CHRM3: variants seen among roughly 807,000 people sequenced by gnomAD.
The protein encoded by CHRM3 is cholinergic receptor muscarinic 3.
In CHRM3, 11 loss-of-function variants were observed where a neutral mutation model predicts 41.8. The observed-to-expected ratio is 0.26, with a 90% confidence interval of 0.17 to 0.44. CHRM3 has a LOEUF of 0.44. Among genes scored for constraint, CHRM3 ranks in the 20% least tolerant of loss-of-function variants. The pLI is 1.00. For synonymous variants in CHRM3, 297 were observed against 301.4 expected, an observed-to-expected ratio of 0.99 and a Z score of 0.15; for missense variants, 571 against 745.4, an observed-to-expected ratio of 0.77 and a Z score of 2.72.
intron 5 of CHRM3, among the ~76,000 whole-genome samples, chr1:239,727,974 T>A (rs764343331): frequency 6.6e-6 from 1 of 152,024 alleles, no homozygotes; most frequent in Admixed American, 6.6e-5. Flanking sequence ...AATAAATACT[T>A]TTCTTAAAGA....
chr1:239,511,661 G>T (rs1668931656), intron 2 of CHRM3, among the ~76,000 whole-genome samples: 1 of 152,138 alleles, frequency 6.6e-6, no homozygotes, highest in South Asian at 2.1e-4. Context: ...AAGGTTTGGG[G>T]ACGTTTTGCC....
chr1:239,907,989 C>T lies in CHRM3; in HGVS notation c.538C>T (p.Arg180Ter). 6.2e-7 allele frequency: 1 copy of T among 1,614,176 alleles called. No homozygotes were observed. Among genetic ancestry groups the T allele is most frequent in the Non-Finnish European group, 8.5e-7 (1 of 1,180,038 alleles). The change falls in exon 7 of 7, where the codon CGA becomes TGA. Residue 180 changes from arginine (R) to a stop codon, truncating the protein, a stop_gained. Transcript: ENST00000676153. LOFTEE classifies it high-confidence loss of function. The surrounding 1 kb of genome is among the most constrained non-coding windows in gnomAD (Gnocchi z 5.4). Reference sequence around the variant, plus strand: ...GAGGCCGCTCACGTACCGAGCCAAACGAACAACAAAGAGAGCCGGTGTGAT... The same window carrying T: ...GAGGCCGCTCACGTACCGAGCCAAATGAACAACAAAGAGAGCCGGTGTGAT... ...ITRPLTYRAK[R>*]TTKRAGVMIG...
chr1:239,502,831 C>T (rs1010781434), intron 2 of CHRM3, among the ~76,000 whole-genome samples: 2 of 152,168 alleles, frequency 1.3e-5, no homozygotes, highest in African/African-American at 4.8e-5. Context: ...TCAATAGTTG[C>T]AGAAAAAGCA....
chr1:239,637,726 G>A (rs1198539873), intron 4 of CHRM3, among the ~76,000 whole-genome samples: 3 of 117,310 alleles, frequency 2.6e-5, no homozygotes, highest in Non-Finnish European at 3.6e-5. Flanking sequence ...TTTTTTTTTG[G>A]GGAATTTGTA....
intron 5 of CHRM3, among the ~76,000 whole-genome samples, chr1:239,775,147 G>T (rs1392886517): frequency 6.6e-6 from 1 of 151,960 alleles, no homozygotes; most frequent in African/African-American, 2.4e-5. Flanking sequence ...AAAAAAAAAA[G>T]TTTGTTTTAC....
intron 2 of CHRM3, among the ~76,000 whole-genome samples, chr1:239,528,107 G>A (rs1337839764): frequency 1.3e-5 from 2 of 152,180 alleles, no homozygotes; most frequent in East Asian, 1.9e-4. Context: ...TTTAGTAAAC[G>A]AAAGGTTGCA....
At chr1:239,837,780 A>G (rs1279554259) in intron 6 of CHRM3, among the ~76,000 whole-genome samples, 3 of 152,214 alleles carry the variant, frequency 2.0e-5, no homozygotes, top group African/African-American at 7.2e-5. Context: ...AGAGTTTGAT[A>G]TTCTCCTATC....
Position 239,614,493 on chromosome 1 carries a change from A to G in CHRM3, c.-312-17731A>G, listed in dbSNP as rs576981589. Among the ~76,000 whole-genome samples the G allele has an allele frequency of 2.7e-4, 41 of 152,340 alleles. 1 individual carries two copies. The highest frequency in any genetic ancestry group is 9.1e-4 in the African/African-American group (38 of 41,574). Reference sequence around the variant, plus strand: ...GATCCAAATGGGCGATGGCACATATAATATGAAATTTTAAATTAGAATCCT... The same window carrying G: ...GATCCAAATGGGCGATGGCACATATGATATGAAATTTTAAATTAGAATCCT... On this transcript the variant is annotated intron_variant, in intron 3 of 6. Transcript: ENST00000676153.
At chr1:239,723,231 A>G (rs1481337005) in intron 5 of CHRM3, among the ~76,000 whole-genome samples, 2 of 152,082 alleles carry the variant, frequency 1.3e-5, no homozygotes, top group South Asian at 2.1e-4. Context: ...ACATGAAACA[A>G]TTCTGTTCAA....
chr1:239,744,446 T>C (rs539378553), intron 5 of CHRM3, among the ~76,000 whole-genome samples: 1 of 152,218 alleles, frequency 6.6e-6, no homozygotes, highest in South Asian at 2.1e-4. Flanking sequence ...TGAGAGGTGA[T>C]GGTTGAGCAA....
chr1:239,492,716 G>C lies in CHRM3; in HGVS notation c.-513G>C, dbSNP rs1667633575. On this transcript the variant is annotated 5_prime_UTR_variant, in exon 2 of 7. Coordinates refer to ENST00000676153, the MANE Select transcript of CHRM3 (RefSeq NM_001375978.1). ...TTTTTTCTCTGTCTGCAGAAAGAAG[G>C]ACTTTGCTGCTTTGGGCCAGGATCT... is the stretch of plus-strand genomic sequence containing the variant. 1 of 152,188 alleles carries C rather than the reference G, an allele frequency of 6.6e-6. No homozygotes were observed. The highest frequency in any genetic ancestry group is 1.5e-5 in the Non-Finnish European group (1 of 68,088). 9.4% of individuals were successfully genotyped at this position (152,188 alleles called of 1,614,324 possible). A position where few individuals can be genotyped will look rare whatever the true frequency, so the allele number is the denominator to read the frequency against.
chr1:239,630,378 T>C (rs1225320132), intron 3 of CHRM3, among the ~76,000 whole-genome samples: 1 of 152,184 alleles, frequency 6.6e-6, no homozygotes, highest in Non-Finnish European at 1.5e-5. Flanking sequence ...ACTGTAAATA[T>C]TTACTGAGCA....
Position 239,914,433 on chromosome 1 carries a change from A to G in CHRM3, c.*5209A>G, listed in dbSNP as rs1478665780. On this transcript the variant is annotated 3_prime_UTR_variant, in exon 7 of 7. Coordinates refer to ENST00000676153, the MANE Select transcript of CHRM3 (RefSeq NM_001375978.1). The stretch of plus-strand genomic sequence containing the variant: ...GTAGTCAGGAGTTATTTGGCTGGGA[A>G]GTGGAAAGTGTTCACAAACATGATG... The G allele has an allele frequency of 6.0e-6, 1 of 167,116 alleles. No individual in the cohort carries two copies. Among genetic ancestry groups the G allele is most frequent in the Non-Finnish European group, 1.5e-5 (1 of 68,124 alleles). 10.4% of individuals were successfully genotyped at this position (167,116 alleles called of 1,614,324 possible). A position where few individuals can be genotyped will look rare whatever the true frequency, so the allele number is the denominator to read the frequency against.
intron 6 of CHRM3, among the ~76,000 whole-genome samples, chr1:239,899,595 A>C (rs1008524011): frequency 6.6e-6 from 1 of 151,920 alleles, no homozygotes; most frequent in Non-Finnish European, 1.5e-5. Flanking sequence ...TAAGTTCAAC[A>C]TGCAATGTAT....
chr1:239,417,482 A>C (rs1344662579), intron 1 of CHRM3, among the ~76,000 whole-genome samples: 1 of 152,096 alleles, frequency 6.6e-6, no homozygotes, highest in South Asian at 2.1e-4. Flanking sequence ...ACAATAAATC[A>C]TAAGTGTGTG....
intron 5 of CHRM3, among the ~76,000 whole-genome samples, chr1:239,822,544 TA>T (rs200709795): frequency 0.018 from 2,718 of 152,294 alleles, 75 homozygotes; most frequent in African/African-American, 0.062. Flanking sequence ...CTACTTCAAA[TA>T]ACTTTTACAA....
chr1:239,633,442 A>T (rs1248085131), intron 4 of CHRM3, among the ~76,000 whole-genome samples: 1 of 152,114 alleles, frequency 6.6e-6, no homozygotes, highest in Non-Finnish European at 1.5e-5. Flanking sequence ...ACAGATAGAG[A>T]TTACGGTTCG....
intron 5 of CHRM3, among the ~76,000 whole-genome samples, chr1:239,821,859 G>A (rs1305145001): frequency 6.6e-6 from 1 of 152,118 alleles, no homozygotes; most frequent in African/African-American, 2.4e-5. Flanking sequence ...CTGGATCATG[G>A]GGTCAGTTTC....
chr1:239,542,018 T>A (rs981555799), intron 2 of CHRM3, among the ~76,000 whole-genome samples: 3 of 152,166 alleles, frequency 2.0e-5, no homozygotes, highest in Non-Finnish European at 4.4e-5. Flanking sequence ...AGGCAGTAGA[T>A]AGGCAGAGTA....
Sources: allele counts gnomAD v4.1 joint callset (sites outside exome capture counted in the v4.1 genomes callset), GRCh38; gene constraint gnomAD v4.1.1; non-coding constraint Gnocchi (gnomAD v3.1); transcripts MANE v1.5; gene names NCBI Gene and HGNC (gene_info 2026-07-23, HGNC 2026-07-21).